TADA2A: variants seen among roughly 807,000 people sequenced by gnomAD.
TADA2A encodes the protein transcriptional adaptor 2A.
A neutral mutation model predicts 67.4 loss-of-function variants in TADA2A; 38 were observed. The ratio of observed to expected loss-of-function variants is 0.56; its 90% CI spans 0.44 to 0.74. TADA2A has a LOEUF of 0.74. Among genes scored for constraint, TADA2A ranks in the 30% least tolerant of loss-of-function variants. TADA2A has a pLI of 0.00. For synonymous variants in TADA2A, 192 were observed against 181.6 expected, an observed-to-expected ratio of 1.06 and a Z score of -0.46; for missense variants, 454 against 547.0, an observed-to-expected ratio of 0.83 and a Z score of 1.70.
chr17:37,432,592 C>T (rs778778511), intron 4 of TADA2A, among the ~76,000 whole-genome samples: 1 of 152,218 alleles, frequency 6.6e-6, no homozygotes, highest in African/African-American at 2.4e-5. Context: ...TTTATCCATT[C>T]TCCCTTTGAT....
rs761212251 is a variant in TADA2A, at chr17:37,471,087, G to A, written c.1029-7G>A. The A allele has an allele frequency of 1.1e-5, 18 of 1,614,060 alleles. No homozygotes were observed. The highest frequency in any genetic ancestry group is 5.5e-5 in the South Asian group (5 of 91,074). ...ACCTAAGTTTAAATTCCTCTTCTTC[G>A]TTGTAGTGATTCCGGCCTGAGTCCT... On this transcript the variant is annotated splice_polypyrimidine_tract_variant and splice_region_variant and intron_variant, in intron 13 of 15. Coordinates refer to ENST00000615182, the MANE Select transcript of TADA2A (RefSeq NM_001166105.3).
intron 8 of TADA2A, among the ~76,000 whole-genome samples, chr17:37,452,429 A>G (rs1334648915): frequency 6.6e-6 from 1 of 152,116 alleles, no homozygotes; most frequent in Non-Finnish European, 1.5e-5. Flanking sequence ...AAATATGGTA[A>G]GTACTCAGTG....
In TADA2A at chr17:37,423,606, C is replaced by T; in HGVS notation, c.123C>T (p.Leu41=). ...CAECGPPPFF[L]CLQCFTRGFE... is the part of the protein sequence containing the mutation. ...AATGTGGGCCACCTCCTTTTTTCCT[C>T]TGCTTGCAGGTAACTCACTAATGCT... Residue 41 remains leucine, a synonymous_variant, in exon 3 of 16, where the codon CTC becomes CTT. Coordinates refer to ENST00000615182, the MANE Select transcript of TADA2A (RefSeq NM_001166105.3). 1 of 1,611,974 alleles carries T rather than the reference C, an allele frequency of 6.2e-7. No individual in the cohort carries two copies. The highest frequency in any genetic ancestry group is 2.2e-5 in the East Asian group (1 of 44,870).
At chr17:37,468,338 C>T (rs923694155) in intron 12 of TADA2A, among the ~76,000 whole-genome samples, 2 of 151,962 alleles carry the variant, frequency 1.3e-5, no homozygotes, top group East Asian at 1.9e-4. Flanking sequence ...TATAAAGTAC[C>T]GTTACTTCCA....
intron 10 of TADA2A, among the ~76,000 whole-genome samples, chr17:37,462,439 T>C (rs950766726): frequency 4.0e-5 from 6 of 151,778 alleles, no homozygotes; most frequent in South Asian, 2.1e-4. Context: ...CCATCCTGGC[T>C]AACATGGTGA....
intron 6 of TADA2A, among the ~76,000 whole-genome samples, chr17:37,441,482 G>T (rs1469131213): frequency 1.3e-5 from 2 of 152,142 alleles, no homozygotes; most frequent in Non-Finnish European, 2.9e-5. Context: ...TCATGTGCGT[G>T]TGGGACCAGT....
At chr17:37,434,563 C>T (rs1345239315) in intron 4 of TADA2A, among the ~76,000 whole-genome samples, 2 of 152,184 alleles carry the variant, frequency 1.3e-5, no homozygotes, top group East Asian at 1.9e-4. Context: ...TCTGTGTTTC[C>T]TATAAATTAG....
At chr17:37,469,603 A>G (rs551723730) in intron 12 of TADA2A, among the ~76,000 whole-genome samples, 287 of 152,292 alleles carry the variant, frequency 1.9e-3, no homozygotes, top group Non-Finnish European at 2.9e-3. Context: ...ATTGCACTCA[A>G]GCCTGGGCAA....
Position 37,423,584 on chromosome 17 carries a change from G to A in TADA2A, c.101G>A (p.Cys34Tyr). The A allele has an allele frequency of 6.2e-7, 1 of 1,613,272 alleles. No homozygotes were observed. Among genetic ancestry groups the A allele is most frequent in the Non-Finnish European group, 8.5e-7 (1 of 1,179,850 alleles). ...LMEPYIKCAE[C>Y]GPPPFFLCLQ... ...GAGCCTTATATCAAGTGTGCTGAAT[G>A]TGGGCCACCTCCTTTTTTCCTCTGC... The change falls in exon 3 of 16, where the codon TGT (cysteine) becomes TAT (tyrosine). Residue 34 changes from cysteine (C) to tyrosine (Y), a missense_variant. Around this residue, in one of 2 missense-constraint regions of TADA2A, gnomAD observed 403 missense variants for 455.5 expected, o/e 0.88. Coordinates refer to ENST00000615182, the MANE Select transcript of TADA2A (RefSeq NM_001166105.3).
At chr17:37,426,823 T>C in intron 3 of TADA2A, 127 bp from the exon 4 acceptor site, 1 of 775,484 alleles carries the variant, frequency 1.3e-6, no homozygotes, top group East Asian at 2.9e-5. Flanking sequence ...TCGGCCTGGG[T>C]GACAGAACGA....
intron 4 of TADA2A, among the ~76,000 whole-genome samples, chr17:37,434,159 T>C (rs1420827094): frequency 6.6e-6 from 1 of 152,214 alleles, no homozygotes; most frequent in Non-Finnish European, 1.5e-5. Flanking sequence ...CCTTGACAGG[T>C]CGAAGTGTAT....
intron 4 of TADA2A, among the ~76,000 whole-genome samples, chr17:37,434,263 G>T (rs920488712): frequency 1.3e-5 from 2 of 152,186 alleles, no homozygotes; most frequent in Admixed American, 1.3e-4. Context: ...GATCACAGAG[G>T]TGAATTGCCT....
chr17:37,421,724 T>C (rs2052236672), intron 2 of TADA2A, among the ~76,000 whole-genome samples: 1 of 146,722 alleles, frequency 6.8e-6, no homozygotes, highest in African/African-American at 2.5e-5. Context: ...CCTGGGAGGT[T>C]GAGGCTGCAT....
chr17:37,449,645 GGTCACGCC>G (rs1327688488), intron 8 of TADA2A, among the ~76,000 whole-genome samples: 1 of 148,380 alleles, frequency 6.7e-6, no homozygotes, highest in Non-Finnish European at 1.5e-5. Context: ...TTTGAGACAG[GGTCACGCC>G]CTGTTGCCCA....
chr17:37,429,305 C>T (rs988616800), intron 4 of TADA2A, among the ~76,000 whole-genome samples: 9 of 152,132 alleles, frequency 5.9e-5, no homozygotes, highest in Non-Finnish European at 8.8e-5. Flanking sequence ...AGGATAGTCT[C>T]TCTACTTTAA....
In TADA2A at chr17:37,442,659, T is replaced by G. The variant is rs2052957542; in HGVS notation, c.531+7T>G. 6.2e-7 allele frequency: 1 copy of G among 1,613,316 alleles called. No individual in the cohort carries two copies. The highest frequency in any genetic ancestry group is 2.2e-5 in the East Asian group (1 of 44,874). On this transcript the variant is annotated splice_region_variant and intron_variant, in intron 7 of 15. Coordinates refer to ENST00000615182, the MANE Select transcript of TADA2A (RefSeq NM_001166105.3). The stretch of plus-strand genomic sequence containing the variant: ...TCGAGCAGATTTCATTGAGGTAGGA[T>G]AAATGTGTTTTTAGCACAAAGTAGG...
intron 8 of TADA2A, 108 bp from the exon 9 acceptor site, chr17:37,458,416 T>C: frequency 1.6e-6 from 1 of 608,028 alleles, no homozygotes; most frequent in Non-Finnish European, 2.4e-6. Flanking sequence ...TAATTAGCAA[T>C]ATGAGGTTCA....
At chr17:37,468,259 T>C (rs1169588103) in intron 12 of TADA2A, among the ~76,000 whole-genome samples, 1 of 152,168 alleles carries the variant, frequency 6.6e-6, no homozygotes, top group African/African-American at 2.4e-5. Context: ...CTATCAGATA[T>C]TTACCATGTA....
At chr17:37,435,510 G>A (rs1481261977) in intron 4 of TADA2A, among the ~76,000 whole-genome samples, 4 of 152,048 alleles carry the variant, frequency 2.6e-5, no homozygotes, top group South Asian at 4.1e-4. Flanking sequence ...AGATGGTCTC[G>A]ATCTCCTGAC....
Sources: allele counts gnomAD v4.1 joint callset (sites outside exome capture counted in the v4.1 genomes callset), GRCh38; gene constraint gnomAD v4.1.1; regional missense constraint gnomAD v4.1.1; transcripts MANE v1.5; gene names NCBI Gene and HGNC (gene_info 2026-07-23, HGNC 2026-07-21).